CAMK4: variants seen among roughly 807,000 people sequenced by gnomAD.
CAMK4 encodes the protein calcium/calmodulin-dependent protein kinase type IV.
CAMK4 carries 22 observed loss-of-function variants against 44.9 expected under a neutral mutation model. That is an observed-to-expected ratio of 0.49 (90% CI 0.35 to 0.70). The LOEUF (loss-of-function observed/expected upper bound fraction) is 0.70, where lower values mean the gene tolerates loss of function less well. Ranked by LOEUF, CAMK4 falls within the 30% of genes least tolerant of loss-of-function variation. The pLI, the probability that CAMK4 is intolerant of heterozygous loss-of-function variation, is 0.01. For synonymous variants in CAMK4, 218 were observed against 215.4 expected, an observed-to-expected ratio of 1.01 and a Z score of -0.11; for missense variants, 498 against 586.8, an observed-to-expected ratio of 0.85 and a Z score of 1.56.
intron 1 of CAMK4, among the ~76,000 whole-genome samples, chr5:111,332,944 T>C (rs1446959122): frequency 6.6e-6 from 1 of 151,542 alleles, no homozygotes; most frequent in African/African-American, 2.4e-5. Context: ...GGTATATTCG[T>C]TGAGTGGCAG....
At chr5:111,278,435 CA>C (rs1428933422) in intron 1 of CAMK4, among the ~76,000 whole-genome samples, 1 of 152,000 alleles carries the variant, frequency 6.6e-6, no homozygotes, top group Non-Finnish European at 1.5e-5. Context: ...AAGTCACTCA[CA>C]ATTATAGAAA....
At chr5:111,310,684 C>A (rs1195743438) in intron 1 of CAMK4, among the ~76,000 whole-genome samples, 2 of 152,126 alleles carry the variant, frequency 1.3e-5, no homozygotes, top group African/African-American at 4.8e-5. Flanking sequence ...CTAGTGAACA[C>A]AGTATAGCTT....
intron 5 of CAMK4, among the ~76,000 whole-genome samples, chr5:111,442,491 A>G (rs1455404477): frequency 1.4e-5 from 2 of 145,798 alleles, no homozygotes; most frequent in African/African-American, 2.5e-5. Flanking sequence ...ACTGCGTCTC[A>G]AAAACAAACA....
chr5:111,322,676 A>G (rs1307799771), intron 1 of CAMK4, among the ~76,000 whole-genome samples: 1 of 152,064 alleles, frequency 6.6e-6, no homozygotes, highest in African/African-American at 2.4e-5. Context: ...GAGAGTCAAT[A>G]AAATAGACTT....
chr5:111,372,173 TGA>T (rs1491176192), intron 2 of CAMK4, among the ~76,000 whole-genome samples: 1 of 152,066 alleles, frequency 6.6e-6, no homozygotes, highest in East Asian at 1.9e-4. Context: ...TGGAAGAAAC[TGA>T]GAGAGTAATA....
At chr5:111,371,121 G>C (rs1264853506) in intron 2 of CAMK4, among the ~76,000 whole-genome samples, 5 of 151,944 alleles carry the variant, frequency 3.3e-5, no homozygotes, top group East Asian at 3.9e-4. Flanking sequence ...AGAACTTTTA[G>C]AGTCTTTTGC....
intron 9 of CAMK4, among the ~76,000 whole-genome samples, chr5:111,481,019 T>C (rs186055474): frequency 6.6e-6 from 1 of 152,248 alleles, no homozygotes; most frequent in East Asian, 1.9e-4. Context: ...AGTTGGGGAA[T>C]TGGATGTAAG....
intron 2 of CAMK4, among the ~76,000 whole-genome samples, chr5:111,356,784 T>A (rs1750375844): frequency 1.3e-5 from 2 of 152,198 alleles, no homozygotes; most frequent in Non-Finnish European, 2.9e-5. Flanking sequence ...TTCTTGTTTT[T>A]GTCAGGTTTG....
At chr5:111,245,572 G>T (rs1749196843) in intron 1 of CAMK4, among the ~76,000 whole-genome samples, 1 of 152,022 alleles carries the variant, frequency 6.6e-6, no homozygotes, top group African/African-American at 2.4e-5. Context: ...GCTCTACTTT[G>T]ACCCCTTCAA....
At chr5:111,300,766 TG>T (rs1288835415) in intron 1 of CAMK4, among the ~76,000 whole-genome samples, 3 of 152,186 alleles carry the variant, frequency 2.0e-5, no homozygotes, top group African/African-American at 7.2e-5. Flanking sequence ...TTGTAATTGT[TG>T]GAATTAAAAG....
chr5:111,438,387 G>A (rs1379500193), intron 5 of CAMK4, among the ~76,000 whole-genome samples: 1 of 152,170 alleles, frequency 6.6e-6, no homozygotes, highest in Non-Finnish European at 1.5e-5. Flanking sequence ...AATAGATATA[G>A]TTGCCAGCTA....
At chr5:111,343,951 C>A in intron 1 of CAMK4, 73 bp from the exon 2 acceptor site, 1 of 862,502 alleles carries the variant, frequency 1.2e-6, no homozygotes. Context: ...GCAAGATACA[C>A]TTATTTTCAA....
chr5:111,408,775 G>C (rs1019416861), intron 5 of CAMK4, among the ~76,000 whole-genome samples: 3 of 152,180 alleles, frequency 2.0e-5, no homozygotes, highest in Non-Finnish European at 4.4e-5. Context: ...TATAGGCCTT[G>C]GGTAAATACA....
chr5:111,422,593 A>G (rs1753072506), intron 5 of CAMK4, among the ~76,000 whole-genome samples: 1 of 152,048 alleles, frequency 6.6e-6, no homozygotes, highest in Non-Finnish European at 1.5e-5. Flanking sequence ...AATTTTCCTA[A>G]TTTGTCTGTT....
intron 1 of CAMK4, among the ~76,000 whole-genome samples, chr5:111,230,618 C>T (rs1748423713): frequency 6.7e-6 from 1 of 149,534 alleles, no homozygotes; most frequent in Admixed American, 6.7e-5. Context: ...TTCTGGAGAA[C>T]TTGAAAGAGA....
At chr5:111,383,385 A>T (rs1245667731) in intron 4 of CAMK4, among the ~76,000 whole-genome samples, 3 of 152,212 alleles carry the variant, frequency 2.0e-5, no homozygotes, top group Non-Finnish European at 2.9e-5. Flanking sequence ...TGGGACTGAG[A>T]TGTAATTGTA....
At chr5:111,340,838 T>A (rs1402720556) in intron 1 of CAMK4, among the ~76,000 whole-genome samples, 4 of 151,080 alleles carry the variant, frequency 2.6e-5, no homozygotes, top group Non-Finnish European at 5.9e-5. Context: ...AGGCTTCTTT[T>A]TTCTTTTCTT....
chr5:111,372,089 A>G (rs1327916074), intron 2 of CAMK4, among the ~76,000 whole-genome samples: 1 of 152,180 alleles, frequency 6.6e-6, no homozygotes, highest in Non-Finnish European at 1.5e-5. Context: ...CAAAACTTTG[A>G]ATATGAAATA....
At chr5:111,345,851 T>G (rs1749842015) in intron 2 of CAMK4, among the ~76,000 whole-genome samples, 1 of 151,894 alleles carries the variant, frequency 6.6e-6, no homozygotes, top group South Asian at 2.1e-4. Context: ...TGTGAAAACA[T>G]CTCCCTCAGA....
Sources: allele counts gnomAD v4.1 joint callset (sites outside exome capture counted in the v4.1 genomes callset), GRCh38; gene constraint gnomAD v4.1.1; transcripts MANE v1.5; gene names NCBI Gene and HGNC (gene_info 2026-07-23, HGNC 2026-07-21).